Variants in TMEM132B observed in about 807,000 individuals in gnomAD.
TMEM132B encodes transmembrane protein 132B.
In TMEM132B, 18 loss-of-function variants were observed where a neutral mutation model predicts 90.8. The observed-to-expected ratio is 0.20, with a 90% CI of 0.14 to 0.29. The LOEUF (loss-of-function observed/expected upper bound fraction) is 0.29, where lower values mean the gene tolerates loss of function less well. Among genes scored for constraint, TMEM132B ranks in the 10% least tolerant of loss-of-function variants. The pLI, the probability that TMEM132B is intolerant of heterozygous loss-of-function variation, is 1.00. For missense variants in TMEM132B, 1,096 were observed against 1,326.8 expected, an observed-to-expected ratio of 0.83 and a Z score of 2.70; for synonymous variants, 504 against 523.3, an observed-to-expected ratio of 0.96 and a Z score of 0.50.
intron 1 of TMEM132B, among the ~76,000 whole-genome samples, chr12:125,284,409 C>T (rs963161190): frequency 2.6e-5 from 4 of 152,186 alleles, no homozygotes; most frequent in African/African-American, 9.7e-5. Flanking sequence ...GCTGTAGGCA[C>T]GGAGCTGTAG....
chr12:125,588,934 A>G (rs77428857), intron 5 of TMEM132B, among the ~76,000 whole-genome samples: 3,383 of 152,292 alleles, frequency 0.022, 119 homozygotes, highest in African/African-American at 0.078. Context: ...TTAGAGGATG[A>G]TTAAATAAGA....
At chr12:125,538,139 CTAAT>C (rs1466088088) in intron 4 of TMEM132B, among the ~76,000 whole-genome samples, 1 of 152,210 alleles carries the variant, frequency 6.6e-6, no homozygotes, top group Non-Finnish European at 1.5e-5. Context: ...TGTCGATCAT[CTAAT>C]TAAGGTCACA....
At chr12:125,321,731 G>A (rs1876430229) in intron 1 of TMEM132B, among the ~76,000 whole-genome samples, 1 of 151,964 alleles carries the variant, frequency 6.6e-6, no homozygotes, top group Non-Finnish European at 1.5e-5. Context: ...ACCCACCTTG[G>A]CCTCTCAAAG....
chr12:125,265,106 G>T (rs73233327), intron 1 of TMEM132B, among the ~76,000 whole-genome samples: 3,318 of 152,220 alleles, frequency 0.022, 63 homozygotes, highest in Middle Eastern at 0.051. Flanking sequence ...AAGCATTTGT[G>T]TATGTAAACA....
intron 1 of TMEM132B, among the ~76,000 whole-genome samples, chr12:125,314,375 GA>G (rs1216603072): frequency 6.6e-6 from 1 of 152,218 alleles, no homozygotes; most frequent in Admixed American, 6.5e-5. Context: ...CAGCAGATGG[GA>G]GGCTCTTTCT....
chr12:125,650,464 C>G lies in TMEM132B; in HGVS notation c.1644-219C>G, dbSNP rs3825382. Among the ~76,000 whole-genome samples, 3 of 152,232 alleles carry G rather than the reference C, an allele frequency of 2.0e-5. No individual in the cohort carries two copies. In the East Asian group the frequency reaches 5.8e-4, roughly 29 times the overall value. ...CTGGGTCAGGAAGGCAGGAGCTGCC[C>G]TTGCCATTCTTGTTGCAAGCAGAAA... On this transcript the variant is annotated intron_variant, in intron 6 of 8. Coordinates refer to ENST00000682704, the MANE Select transcript of TMEM132B (RefSeq NM_001366854.1).
chr12:125,316,852 A>G (rs377696), intron 1 of TMEM132B, among the ~76,000 whole-genome samples: 112,086 of 152,190 alleles, frequency 0.74, 42,295 homozygotes, highest in African/African-American at 0.89. Flanking sequence ...CTCTGAGTCA[A>G]ATGGGAGCCA....
intron 3 of TMEM132B, among the ~76,000 whole-genome samples, chr12:125,476,842 G>A (rs1362188954): frequency 6.6e-6 from 1 of 152,174 alleles, no homozygotes; most frequent in Non-Finnish European, 1.5e-5. Context: ...AAGTAGGACT[G>A]TGTAAAGCTG....
chr12:125,438,936 C>G (rs1017248989), intron 3 of TMEM132B, among the ~76,000 whole-genome samples: 14 of 152,314 alleles, frequency 9.2e-5, no homozygotes, highest in Admixed American at 2.0e-4. Flanking sequence ...TTCCATGATA[C>G]AGACATTCCA....
At chr12:125,477,282 G>A (rs750041295) in intron 3 of TMEM132B, among the ~76,000 whole-genome samples, 1 of 152,024 alleles carries the variant, frequency 6.6e-6, no homozygotes, top group Admixed American at 6.6e-5. Context: ...ATTATGAAAA[G>A]ATTCAAACTC....
At chr12:125,584,525 G>T in intron 5 of TMEM132B, 1 of 153,328 alleles carries the variant, frequency 6.5e-6, no homozygotes, top group South Asian at 2.0e-4. Flanking sequence ...CCGTGAGCTT[G>T]GTGTATTACA....
chr12:125,602,344 C>T (rs1442644418), intron 5 of TMEM132B, among the ~76,000 whole-genome samples: 3 of 152,166 alleles, frequency 2.0e-5, no homozygotes, highest in Non-Finnish European at 4.4e-5. Context: ...ATTACATAAA[C>T]AGAACCAATG....
chr12:125,288,548 T>C (rs1875436155), intron 1 of TMEM132B, among the ~76,000 whole-genome samples: 1 of 152,136 alleles, frequency 6.6e-6, no homozygotes, highest in East Asian at 1.9e-4. Context: ...TCATCTCATA[T>C]TGCTGGTTAC....
chr12:125,512,273 G>A (rs1272879761), intron 3 of TMEM132B, among the ~76,000 whole-genome samples: 1 of 152,234 alleles, frequency 6.6e-6, no homozygotes, highest in Non-Finnish European at 1.5e-5. Flanking sequence ...ACATGGGAAT[G>A]TGGAATAGTG....
Position 125,654,718 on chromosome 12 carries a change from T to C in TMEM132B, c.*8T>C. The C allele has an allele frequency of 6.2e-7, 1 of 1,607,312 alleles. No homozygotes were observed. The highest frequency in any genetic ancestry group is 1.3e-5 in the African/African-American group (1 of 74,678). ...CTGCAAGACCAGATGTAAACTCCTT[T>C]CTTATGTTTGTATTCACCTTTATGC... On this transcript the variant is annotated 3_prime_UTR_variant, in exon 9 of 9. Transcript: ENST00000682704. The surrounding 1 kb of genome is among the most constrained non-coding windows in gnomAD (Gnocchi z 5.8).
At chr12:125,506,477 A>G (rs1472415903) in intron 3 of TMEM132B, among the ~76,000 whole-genome samples, 2 of 152,198 alleles carry the variant, frequency 1.3e-5, no homozygotes, top group African/African-American at 4.8e-5. Flanking sequence ...GTCAGAACTC[A>G]TGGTATATTC....
chr12:125,642,665 G>C (rs1886661132), intron 5 of TMEM132B, among the ~76,000 whole-genome samples: 1 of 152,182 alleles, frequency 6.6e-6, no homozygotes, highest in Non-Finnish European at 1.5e-5. Context: ...ATTGCTTTGT[G>C]GACTGGGATT....
intron 3 of TMEM132B, among the ~76,000 whole-genome samples, chr12:125,447,060 A>G (rs1881023615): frequency 1.3e-5 from 2 of 152,196 alleles, no homozygotes; most frequent in South Asian, 4.1e-4. Context: ...TTTATGTGGC[A>G]TATATATTTT....
rs1298547128 is a variant in TMEM132B at position 125,246,845 on chromosome 12, C to G, written c.67+59979C>G. 2.0e-5 allele frequency among the ~76,000 whole-genome samples: 3 copies of G among 151,988 alleles called. No individual in the cohort carries two copies. Among genetic ancestry groups the G allele is most frequent in the African/African-American group, 7.3e-5 (3 of 41,354 alleles). On this transcript the variant is annotated intron_variant, in intron 1 of 8. Coordinates refer to ENST00000682704, the MANE Select transcript of TMEM132B (RefSeq NM_001366854.1). This position sits in a 1 kb window ranked among gnomAD's most constrained non-coding sequence, Gnocchi z 4.2. ...TCTGCTTGTTAGGCACTTCCAGTGTCTCTGATGTGACACCATTTGGGGTTT... is the reference window on the plus strand; with the variant it reads ...TCTGCTTGTTAGGCACTTCCAGTGTGTCTGATGTGACACCATTTGGGGTTT...
Sources: gnomAD v4.1 joint callset for allele counts (sites outside exome capture counted in the v4.1 genomes callset) on GRCh38, gnomAD v4.1.1 for gene constraint, Gnocchi (gnomAD v3.1) non-coding constraint, MANE v1.5 for transcripts, NCBI Gene and HGNC (gene_info 2026-07-23, HGNC 2026-07-21) for gene names.